Variants in SLC44A3 observed in about 807,000 individuals in gnomAD.
SLC44A3 encodes solute carrier family 44 member 3, also known as choline transporter-like protein 3.
SLC44A3 carries 74 observed loss-of-function variants against 75.4 expected under a neutral mutation model. The observed-to-expected ratio is 0.98, with a 90% CI of 0.81 to 1.19. The LOEUF (loss-of-function observed/expected upper bound fraction) is 1.19. Ranked by LOEUF, SLC44A3 falls within the 50% of genes most tolerant of loss-of-function variation. The pLI is 0.00. For missense variants in SLC44A3, 700 were observed against 778.6 expected (o/e 0.90, Z 1.20); for synonymous variants, 310 against 296.9 (o/e 1.04, Z -0.45).
At chr1:94,865,328 G>T (rs1420252134) in intron 11 of SLC44A3, among the ~76,000 whole-genome samples, 1 of 152,066 alleles carries the variant, frequency 6.6e-6, no homozygotes, top group African/African-American at 2.4e-5. Flanking sequence ...CTAAAATATT[G>T]CCTGCCTTTT....
At chr1:94,883,619 A>G (rs1669235768) in intron 12 of SLC44A3, among the ~76,000 whole-genome samples, 1 of 152,224 alleles carries the variant, frequency 6.6e-6, no homozygotes, top group South Asian at 2.1e-4. Context: ...TAAAATCAGG[A>G]TGCAGGAGAA....
rs1366942800 is a variant in SLC44A3 at position 94,842,064 on chromosome 1, C to A, written c.825C>A (p.Asp275Glu). ...CCAACGACCTCAGCATAGAATTGGA[C>A]ACAGAAAGGGAAAATATGAAGTGCG... ...DYTNDLSIEL[D>E]TERENMKCVL... Residue 275 changes from aspartate (D) to glutamate (E), a missense_variant, in exon 8 of 15, where the codon GAC becomes GAA. Coordinates refer to ENST00000271227, the MANE Select transcript of SLC44A3 (RefSeq NM_001114106.3). The A allele has an allele frequency of 6.2e-7, 1 of 1,613,500 alleles. No homozygotes were observed. Among genetic ancestry groups the A allele is most frequent in the Non-Finnish European group, 8.5e-7 (1 of 1,179,782 alleles).
intron 13 of SLC44A3, 39 bp downstream of exon 13, chr1:94,891,306 G>T: frequency 6.4e-7 from 1 of 1,562,054 alleles, no homozygotes; most frequent in South Asian, 1.2e-5. Flanking sequence ...CTGGGATTCT[G>T]AAAATTAAGC....
Position 94,837,738 on chromosome 1 carries a change from T to A in SLC44A3, c.537T>A (p.Cys179Ter). 2 of 1,593,000 alleles carry A rather than the reference T, an allele frequency of 1.3e-6. No homozygotes were observed. The highest frequency in any genetic ancestry group is 1.7e-6 in the Non-Finnish European group (2 of 1,172,280). The change falls in exon 6 of 15, where the codon TGT (cysteine) becomes TGA (stop). Residue 179 changes from cysteine to a stop codon, truncating the protein, a stop_gained. Coordinates refer to ENST00000271227, the MANE Select transcript of SLC44A3 (RefSeq NM_001114106.3). LOFTEE classifies it high-confidence loss of function. Reference protein sequence around the residue: ...PSKSFPLFNRCVPQTPECYSL... With the variant: ...PSKSFPLFNR ...AGTCATTTCCCTTATTTAACCGATGTGTCCCTCAAACACCTGAGTGCTACT... is the reference window on the plus strand; with the variant it reads ...AGTCATTTCCCTTATTTAACCGATGAGTCCCTCAAACACCTGAGTGCTACT...
rs140118602 is a variant in SLC44A3 at position 94,869,313 on chromosome 1, T to C, written c.1482+1896T>C. Among the ~76,000 whole-genome samples the C allele has an allele frequency of 4.6e-5, 7 of 152,364 alleles. No homozygotes were observed. The East Asian group carries it at 1.3e-3, about 29-fold the overall frequency. ...CCATTGTGAAGGTGACGACTCCTTT[T>C]AAAAGCTGTGTCAATGGAAGTAATG... On this transcript the variant is annotated intron_variant, in intron 12 of 14. Coordinates refer to ENST00000271227, the MANE Select transcript of SLC44A3 (RefSeq NM_001114106.3).
At chr1:94,856,010 C>T (rs529564368) in intron 9 of SLC44A3, among the ~76,000 whole-genome samples, 2 of 152,210 alleles carry the variant, frequency 1.3e-5, no homozygotes, top group East Asian at 3.9e-4. Context: ...GTGGATTTAC[C>T]AGCAGAGTAA....
At chr1:94,883,692 AC>A (rs1669245427) in intron 12 of SLC44A3, among the ~76,000 whole-genome samples, 3 of 152,364 alleles carry the variant, frequency 2.0e-5, no homozygotes, top group Middle Eastern at 3.4e-3. Flanking sequence ...TGTTAAAAAA[AC>A]AATAAGTACT....
At chr1:94,889,762 T>C (rs1323552355) in intron 12 of SLC44A3, among the ~76,000 whole-genome samples, 1 of 152,142 alleles carries the variant, frequency 6.6e-6, no homozygotes, top group Non-Finnish European at 1.5e-5. Context: ...ATAAAAGCCA[T>C]GTAGTAACAT....
At chr1:94,869,444 C>CACT (rs1391716653) in intron 12 of SLC44A3, among the ~76,000 whole-genome samples, 4 of 152,220 alleles carry the variant, frequency 2.6e-5, no homozygotes, top group Non-Finnish European at 5.9e-5. Flanking sequence ...GGTGCCTGTG[C>CACT]ACTAGGCTGT....
At position 94,828,701 on chromosome 1, in the gene SLC44A3, G is replaced by T. The variant is rs189869104; in HGVS notation, c.509+115G>T. 6 of 867,418 alleles carry T rather than the reference G, an allele frequency of 6.9e-6. No homozygotes were observed. In the Admixed American group the frequency reaches 1.2e-4, roughly 18 times the overall value. 53.7% of individuals were successfully genotyped at this position (867,418 alleles called of 1,614,324 possible). A position where few individuals can be genotyped will look rare whatever the true frequency, so the allele number is the denominator to read the frequency against. On this transcript the variant is annotated intron_variant, in intron 5 of 14. Coordinates refer to ENST00000271227, the MANE Select transcript of SLC44A3 (RefSeq NM_001114106.3). ...GGAGATATCAGAAGAGCCCCTGCCT[G>T]CAGGGAGCTTACAGTCTACGGAGGC... is the stretch of plus-strand genomic sequence containing the variant.
intron 12 of SLC44A3, chr1:94,888,679 T>C: frequency 3.0e-6 from 3 of 984,804 alleles, no homozygotes; most frequent in Non-Finnish European, 3.6e-6. Context: ...GACGTCTCAC[T>C]GAAAATCTCT....
chr1:94,851,850 C>T (rs956819776), intron 9 of SLC44A3, among the ~76,000 whole-genome samples: 69 of 152,238 alleles, frequency 4.5e-4, no homozygotes, highest in Non-Finnish European at 1.0e-4. Flanking sequence ...AGGCCTGCTT[C>T]CCTTGGGGAA....
At chr1:94,853,200 G>A (rs989087467) in intron 9 of SLC44A3, among the ~76,000 whole-genome samples, 1 of 152,190 alleles carries the variant, frequency 6.6e-6, no homozygotes, top group Admixed American at 6.5e-5. Context: ...GGTGGAGTGT[G>A]GGGCCCTGGA....
intron 9 of SLC44A3, among the ~76,000 whole-genome samples, chr1:94,849,367 T>C (rs1424511876): frequency 6.6e-6 from 1 of 152,090 alleles, no homozygotes; most frequent in Non-Finnish European, 1.5e-5. Context: ...CCCACCCCGC[T>C]GGGGTCAGGC....
At chr1:94,837,199 T>C (rs1369250823) in intron 5 of SLC44A3, among the ~76,000 whole-genome samples, 1 of 152,160 alleles carries the variant, frequency 6.6e-6, no homozygotes, top group East Asian at 1.9e-4. Context: ...GAGATGCTGG[T>C]CAAAGGATAC....
chr1:94,842,212 A>C, intron 8 of SLC44A3, 88 bp downstream of exon 8: 2 of 1,471,114 alleles, frequency 1.4e-6, no homozygotes, highest in Non-Finnish European at 1.8e-6. Context: ...AACAACTATA[A>C]TTTGTTTTTC....
rs140339917 is a variant in SLC44A3, at chr1:94,837,703, A to G, written c.510-8A>G. On this transcript the variant is annotated splice_region_variant and splice_polypyrimidine_tract_variant and intron_variant, in intron 5 of 14. Coordinates refer to ENST00000271227, the MANE Select transcript of SLC44A3 (RefSeq NM_001114106.3). ...ACATTTTTGCCATCTTTTTTTCTCT[A>G]TTTTTAGCAAGTCATTTCCCTTATT... The G allele has an allele frequency of 5.2e-6, 8 of 1,550,010 alleles. No homozygotes were observed. Among genetic ancestry groups the G allele is most frequent in the Middle Eastern group, 1.7e-4 (1 of 5,786 alleles).
intron 5 of SLC44A3, among the ~76,000 whole-genome samples, 177 bp from the exon 6 acceptor site, chr1:94,837,534 G>T (rs1028484751): frequency 6.6e-6 from 1 of 152,098 alleles, no homozygotes; most frequent in African/African-American, 2.4e-5. Flanking sequence ...TCAGCTAATC[G>T]ATGTAGCAGA....
chr1:94,823,448 T>C (rs1424916832), intron 2 of SLC44A3, among the ~76,000 whole-genome samples: 1 of 152,106 alleles, frequency 6.6e-6, no homozygotes, highest in Non-Finnish European at 1.5e-5. Context: ...GGAGCCTCCT[T>C]CCCCAGGAGG....
Sources: allele counts gnomAD v4.1 joint callset (sites outside exome capture counted in the v4.1 genomes callset), GRCh38; gene constraint gnomAD v4.1.1; transcripts MANE v1.5; gene names NCBI Gene and HGNC (gene_info 2026-07-23, HGNC 2026-07-21).